Variants in ZNF91 observed in about 807,000 individuals in gnomAD.
The protein encoded by ZNF91 is zinc finger protein 91 (HPF7, HTF10).
In ZNF91, 7 loss-of-function variants were observed where a neutral mutation model predicts 12.6. The observed-to-expected ratio is 0.55, with a 90% CI of 0.31 to 1.04. The LOEUF (loss-of-function observed/expected upper bound fraction) is 1.04. Ranked by LOEUF, ZNF91 falls within the 50% of genes least tolerant of loss-of-function variation. The probability of loss-of-function intolerance (pLI) is 0.05; values close to 1 mark genes in which losing one functional copy is unlikely to be tolerated. For synonymous variants in ZNF91, 453 were observed against 462.6 expected (o/e 0.98, Z 0.27); for missense variants, 1,217 against 1,385.4 (o/e 0.88, Z 1.93).
chr19:23,363,883 AAAGT>A (rs1171656740), intron 3 of ZNF91, among the ~76,000 whole-genome samples: 1 of 152,172 alleles, frequency 6.6e-6, no homozygotes, highest in African/African-American at 2.4e-5. Context: ...ATAGATCCTA[AAAGT>A]AAGAAAAAAT....
At chr19:23,335,648 T>A (rs1967993303), downstream of ZNF91, among the ~76,000 whole-genome samples, 1 of 152,208 alleles carries the variant, frequency 6.6e-6, no homozygotes. Flanking sequence ...AATCTCCTGG[T>A]GTGCCGTTTG....
At chr19:23,323,787 T>C (rs1190271991) in intron 1 of ZNF91, among the ~76,000 whole-genome samples, 1 of 150,910 alleles carries the variant, frequency 6.6e-6, no homozygotes, top group African/African-American at 2.4e-5. Context: ...CTCTTTCTTC[T>C]TCCTCCTTCT....
chr19:23,377,312 T>C (rs780069796), intron 1 of ZNF91, among the ~76,000 whole-genome samples: 21 of 152,172 alleles, frequency 1.4e-4, no homozygotes, highest in Non-Finnish European at 2.6e-4. Context: ...AACAAATAGA[T>C]GCTATCTTCA....
downstream of ZNF91, among the ~76,000 whole-genome samples, chr19:23,334,393 C>T (rs1379304902): frequency 2.6e-5 from 4 of 152,170 alleles, no homozygotes; most frequent in East Asian, 1.9e-4. Flanking sequence ...ACACTGCTAA[C>T]GTTTTAGAAA....
downstream of ZNF91, among the ~76,000 whole-genome samples, chr19:23,353,341 A>G (rs1332304176): frequency 6.6e-6 from 1 of 152,210 alleles, no homozygotes; most frequent in Non-Finnish European, 1.5e-5. Flanking sequence ...AAATTAAATA[A>G]TCTGCTCCTG....
chr19:23,356,575 G>A (rs1968491650), downstream of ZNF91, among the ~76,000 whole-genome samples: 1 of 152,106 alleles, frequency 6.6e-6, no homozygotes, highest in African/African-American at 2.4e-5. Context: ...TGGACTTTGG[G>A]TACTTGCGGG....
At chr19:23,319,165 T>C (rs975191906) in intron 1 of ZNF91, among the ~76,000 whole-genome samples, 10 of 152,192 alleles carry the variant, frequency 6.6e-5, no homozygotes, top group Non-Finnish European at 1.2e-4. Context: ...GTAACTCTCT[T>C]CTACTTCTTG....
chr19:23,381,531 G>A (rs945382571), intron 1 of ZNF91, among the ~76,000 whole-genome samples: 4 of 147,798 alleles, frequency 2.7e-5, no homozygotes, highest in African/African-American at 5.0e-5. Context: ...GCATGATCTC[G>A]GCTCACCTCA....
chr19:23,334,354 A>G (rs1967969916), downstream of ZNF91, among the ~76,000 whole-genome samples: 1 of 152,174 alleles, frequency 6.6e-6, no homozygotes, highest in African/African-American at 2.4e-5. Context: ...GCAGGGCTGT[A>G]ATGTGAGCAG....
intron 3 of ZNF91, among the ~76,000 whole-genome samples, chr19:23,364,231 T>C (rs1968914792): frequency 6.6e-6 from 1 of 152,172 alleles, no homozygotes; most frequent in Non-Finnish European, 1.5e-5. Context: ...AGGCAGATTA[T>C]GAGGTCAGGA....
At chr19:23,369,037 C>A (rs1969144748) in intron 3 of ZNF91, among the ~76,000 whole-genome samples, 1 of 152,058 alleles carries the variant, frequency 6.6e-6, no homozygotes. Context: ...CTTGGCTGGG[C>A]ACAGTGGTTC....
chr19:23,392,396 CAA>C (rs71163502), intron 1 of ZNF91, among the ~76,000 whole-genome samples: 5 of 70,380 alleles, frequency 7.1e-5, no homozygotes. Context: ...AACTCCATCT[CAA>C]AAAAAAAAAA....
Position 23,374,889 on chromosome 19 carries a change from C to A in ZNF91, c.31-125G>T, listed in dbSNP as rs1049723478. 4 of 1,445,580 alleles carry A rather than the reference C, an allele frequency of 2.8e-6. No homozygotes were observed. The African/African-American group carries it at 4.3e-5, about 16-fold the overall frequency. The allele number at this position is 1,445,580 out of a possible 1,614,324, so 89.5% of individuals were successfully genotyped here. On this transcript the variant is annotated intron_variant, in intron 1 of 3. Transcript: ENST00000300619. ...GACTTATAAGAGTGGCTGAAATTAT[C>A]CAATAAAATAATTGTCAACACACAA... is the stretch of plus-strand genomic sequence containing the variant.
At chr19:23,354,873 C>T (rs933683018), downstream of ZNF91, among the ~76,000 whole-genome samples, 2 of 151,548 alleles carry the variant, frequency 1.3e-5, no homozygotes, top group Admixed American at 1.3e-4. Context: ...TTTACAATAG[C>T]GGGAAAAAAA....
intron 1 of ZNF91, among the ~76,000 whole-genome samples, chr19:23,392,396 C>CAAA (rs71163502): frequency 5.7e-5 from 4 of 70,432 alleles, no homozygotes; most frequent in Non-Finnish European, 5.7e-5. Flanking sequence ...AACTCCATCT[C>CAAA]AAAAAAAAAA....
At chr19:23,356,461 A>G (rs1968488739), downstream of ZNF91, among the ~76,000 whole-genome samples, 1 of 152,204 alleles carries the variant, frequency 6.6e-6, no homozygotes, top group Non-Finnish European at 1.5e-5. Flanking sequence ...GTCCTGGATG[A>G]GATTGGAGAC....
intron 1 of ZNF91, among the ~76,000 whole-genome samples, chr19:23,393,480 C>G (rs1970136234): frequency 6.6e-6 from 1 of 152,052 alleles, no homozygotes; most frequent in African/African-American, 2.4e-5. Flanking sequence ...CAAGAAAAAA[C>G]TGAAGGGTGA....
At chr19:23,316,962 G>T (rs1967573489) in intron 1 of ZNF91, among the ~76,000 whole-genome samples, 1 of 152,132 alleles carries the variant, frequency 6.6e-6, no homozygotes, top group Non-Finnish European at 1.5e-5. Flanking sequence ...ACAGACCACA[G>T]CTGGAATTGT....
chr19:23,314,335 C>G (rs1250307131), upstream of ZNF91, among the ~76,000 whole-genome samples: 1 of 152,156 alleles, frequency 6.6e-6, no homozygotes, highest in African/African-American at 2.4e-5. Flanking sequence ...GGTAATGTGA[C>G]TCTTCTTTTC....
Sources: gnomAD v4.1 joint callset for allele counts (sites outside exome capture counted in the v4.1 genomes callset) on GRCh38, gnomAD v4.1.1 for gene constraint, MANE v1.5 for transcripts, NCBI Gene and HGNC (gene_info 2026-07-23, HGNC 2026-07-21) for gene names.